NEB: variants seen among roughly 807,000 people sequenced by gnomAD.
NEB encodes nemaline myopathy type 2.
Under a neutral mutation model 952.2 loss-of-function variants are expected in NEB, and 512 were observed. That is an observed-to-expected ratio of 0.54 (90% CI 0.50 to 0.58). NEB has a LOEUF of 0.58. Among genes scored for constraint, NEB ranks in the 20% least tolerant of loss-of-function variants. The probability of loss-of-function intolerance (pLI) is 0.00; values close to 1 mark genes in which losing one functional copy is unlikely to be tolerated. For synonymous variants in NEB, 2,900 were observed against 3,149.8 expected (o/e 0.92, Z 2.66); for missense variants, 8,428 against 9,231.1 (o/e 0.91, Z 3.56).
chr2:151,626,745 C>T (rs774998099), intron 70 of NEB, among the ~76,000 whole-genome samples: 7 of 152,104 alleles, frequency 4.6e-5, no homozygotes, highest in Non-Finnish European at 7.4e-5. Flanking sequence ...ACCGTGGTCT[C>T]GATCTCCTGA....
chr2:151,636,117 A>G, intron 64 of NEB, 110 bp downstream of exon 64: 1 of 916,854 alleles, frequency 1.1e-6, no homozygotes, highest in South Asian at 1.6e-5. Context: ...CTACACAAAT[A>G]TATCAGGATA....
At chr2:151,678,256 G>T in intron 32 of NEB, 69 bp from the exon 33 acceptor site, 4 of 1,016,316 alleles carry the variant, frequency 3.9e-6, no homozygotes, top group African/African-American at 1.6e-5. Context: ...ATGAGGCCAT[G>T]ATTTGAAGTA....
Position 151,680,745 on chromosome 2 carries a change from C to T in NEB, c.3027G>A (p.Gln1009=), listed in dbSNP as rs2148649753. ...APITVQSKIN[Q]AQRSDIAYKA... is the part of the protein sequence containing the mutation. ...TAACACTTACATCACTCCTCTGGGC[C>T]TGGTTAATTTTAGACTGTACTGTAA... is the stretch of plus-strand genomic sequence containing the variant. Residue 1009 remains glutamine (Q), a synonymous_variant, in exon 30 of 182, where the codon CAG becomes CAA. Coordinates refer to ENST00000397345, the MANE Select transcript of NEB (RefSeq NM_001164508.2). 3 of 1,605,326 alleles carry T rather than the reference C, an allele frequency of 1.9e-6. No homozygotes were observed. The highest frequency in any genetic ancestry group is 2.6e-6 in the Non-Finnish European group (3 of 1,172,474).
chr2:151,543,826 A>G (rs1347734257), intron 135 of NEB, among the ~76,000 whole-genome samples: 1 of 152,176 alleles, frequency 6.6e-6, no homozygotes, highest in Admixed American at 6.5e-5. Context: ...ACTGTGTATT[A>G]TATTTCCCCT....
chr2:151,632,220 T>A (rs2098682502), intron 65 of NEB, among the ~76,000 whole-genome samples: 1 of 151,912 alleles, frequency 6.6e-6, no homozygotes. Context: ...TGCTTCACAA[T>A]CATAGTTTTG....
chr2:151,522,636 A>T (rs755292193), intron 153 of NEB, among the ~76,000 whole-genome samples: 2 of 152,232 alleles, frequency 1.3e-5, no homozygotes, highest in African/African-American at 2.4e-5. Flanking sequence ...AAATCAACAG[A>T]AAAGAATGCA....
chr2:151,610,991 C>T (rs2097929097), intron 78 of NEB, 125 bp from the exon 79 acceptor site: 2 of 599,552 alleles, frequency 3.3e-6, no homozygotes, highest in Non-Finnish European at 5.7e-6. Context: ...ATAGCTCCTT[C>T]TAATGCTTTT....
intron 13 of NEB, among the ~76,000 whole-genome samples, chr2:151,699,990 G>GT (rs1268964283): frequency 3.6e-5 from 5 of 140,466 alleles, no homozygotes; most frequent in Non-Finnish European, 7.8e-5. Context: ...GGTTTTTATG[G>GT]TTTTAGGTCT....
chr2:151,697,256 TGAG>T lies in NEB; in HGVS notation c.1366-7_1366-5del, dbSNP rs1317027054. ...CGTATTCTGCTTTGTAGTTTTTCTA[TGAG>T]GAGAAGAAATTAGGCATAAGATGCA... On this transcript the variant is annotated splice_region_variant and splice_polypyrimidine_tract_variant and intron_variant, in intron 15 of 181. Transcript: ENST00000397345. 2 of 1,613,526 alleles carry T rather than the reference TGAG, an allele frequency of 1.2e-6. No homozygotes were observed. Among genetic ancestry groups the T allele is most frequent in the Admixed American group, 1.7e-5 (1 of 60,014 alleles).
chr2:151,511,236 A>G (rs2074012298), intron 161 of NEB, among the ~76,000 whole-genome samples: 1 of 152,222 alleles, frequency 6.6e-6, no homozygotes, highest in African/African-American at 2.4e-5. Context: ...TTTGGAGCCC[A>G]TATCATTTTG....
In NEB at chr2:151,492,107, T is replaced by A; in HGVS notation, c.25048A>T (p.Thr8350Ser). ...EQKRNDQDQE[T>S]ITGLRVWRTN... ...ACCCAGGCTCAGTTACCTGTAATAG[T>A]CTCCTGATCTTGGTCATTCCGTTTT... Residue 8350 changes from threonine to serine, a missense_variant, in exon 178 of 182, where the codon ACT becomes TCT. Around this residue, in one of 11 missense-constraint regions of NEB, gnomAD observed 3,374 missense variants for 3,651.5 expected, o/e 0.92. Transcript: ENST00000397345. The A allele has an allele frequency of 6.2e-7, 1 of 1,613,888 alleles. No homozygotes were observed. Among genetic ancestry groups the A allele is most frequent in the East Asian group, 2.2e-5 (1 of 44,872 alleles).
chr2:151,685,184 C>T (rs756383903), intron 27 of NEB, among the ~76,000 whole-genome samples: 7 of 152,136 alleles, frequency 4.6e-5, no homozygotes, highest in Non-Finnish European at 8.8e-5. Context: ...CAATGAGAAA[C>T]TGTCTGGGTC....
chr2:151,670,079 G>C (rs1017826013), intron 38 of NEB, among the ~76,000 whole-genome samples: 2 of 152,190 alleles, frequency 1.3e-5, no homozygotes, highest in African/African-American at 2.4e-5. Flanking sequence ...TTTATATAGT[G>C]AGTGTACAGT....
rs774255458 is a variant in NEB, at chr2:151,547,527, A to G, written c.20269T>C (p.Tyr6757His). The part of the protein sequence containing the change: ...KTQEAVSELI[Y>H]KSDFFKMQGH... Reference sequence around the variant, plus strand: ...TGCATCTTGAAGAAGTCTGATTTGTAGATCAACTAAAGAAAAAAAAATACC... The same window carrying G: ...TGCATCTTGAAGAAGTCTGATTTGTGGATCAACTAAAGAAAAAAAAATACC... Residue 6757 changes from tyrosine to histidine, a missense_variant, in exon 133 of 182, where the codon TAC becomes CAC. Transcript: ENST00000397345. The G allele has an allele frequency of 1.2e-6, 2 of 1,602,196 alleles. No homozygotes were observed. The highest frequency in any genetic ancestry group is 2.7e-5 in the African/African-American group (2 of 74,764).
intron 17 of NEB, 117 bp from the exon 18 acceptor site, chr2:151,695,799 G>C: frequency 1.3e-6 from 1 of 761,868 alleles, no homozygotes. Flanking sequence ...GAGACATCTA[G>C]AGCTTGGGTA....
intron 157 of NEB, among the ~76,000 whole-genome samples, chr2:151,515,327 G>A (rs984353339): frequency 2.6e-5 from 4 of 152,134 alleles, no homozygotes; most frequent in African/African-American, 4.8e-5. Context: ...GAAAAAAATC[G>A]CAGTGGAAGG....
Position 151,666,323 on chromosome 2 carries a change from C to A in NEB, c.4798G>T (p.Val1600Phe), listed in dbSNP as rs2099216531. The A allele has an allele frequency of 6.2e-7, 1 of 1,613,822 alleles. No individual in the cohort carries two copies. Among genetic ancestry groups the A allele is most frequent in the East Asian group, 2.2e-5 (1 of 44,862 alleles). Residue 1600 changes from valine to phenylalanine, a missense_variant, in exon 41 of 182, where the codon GTT becomes TTT. Coordinates refer to ENST00000397345, the MANE Select transcript of NEB (RefSeq NM_001164508.2). Reference sequence around the variant, plus strand: ...ATTTTGGCCACATTCATGTAGTGAACCAGTTTAGGATCATCCTGAAGACTG... The same window carrying A: ...ATTTTGGCCACATTCATGTAGTGAAACAGTTTAGGATCATCCTGAAGACTG... ...FLSLQDDPKL[V>F]HYMNVAKIQS...
chr2:151,657,943 T>C (rs2099104566), intron 48 of NEB, 40 bp downstream of exon 48: 8 of 1,438,486 alleles, frequency 5.6e-6, no homozygotes, highest in Non-Finnish European at 6.8e-6. Context: ...TTCGGTTCCT[T>C]AGAAACCCCC....
At chr2:151,651,632 G>A (rs1233465093) in intron 52 of NEB, among the ~76,000 whole-genome samples, 2 of 152,268 alleles carry the variant, frequency 1.3e-5, no homozygotes, top group South Asian at 4.1e-4. Flanking sequence ...GACAGTAAAA[G>A]TAAAATTTGG....
Sources: allele counts gnomAD v4.1 joint callset (sites outside exome capture counted in the v4.1 genomes callset), GRCh38; gene constraint gnomAD v4.1.1; regional missense constraint gnomAD v4.1.1; transcripts MANE v1.5; gene names NCBI Gene and HGNC (gene_info 2026-07-23, HGNC 2026-07-21).